HERC6: variants seen among roughly 807,000 people sequenced by gnomAD.
The protein encoded by HERC6 is HECT and RLD domain containing E3 ubiquitin protein ligase family member 6.
A neutral mutation model predicts 114.5 loss-of-function variants in HERC6; 101 were observed. That is an observed-to-expected ratio of 0.88 (90% CI 0.75 to 1.04). HERC6 has a LOEUF of 1.04. HERC6 is among the 50% of genes least tolerant of loss of function. The pLI, the probability that HERC6 is intolerant of heterozygous loss-of-function variation, is 0.00. For synonymous variants in HERC6, 408 were observed against 436.2 expected (o/e 0.94, Z 0.81); for missense variants, 1,133 against 1,230.9 (o/e 0.92, Z 1.19).
intron 3 of HERC6, among the ~76,000 whole-genome samples, chr4:88,386,232 G>A (rs1358839017): frequency 1.4e-5 from 2 of 143,714 alleles, no homozygotes; most frequent in African/African-American, 5.2e-5. Flanking sequence ...TTGAGATGGA[G>A]TCTTGTTCTG....
At chr4:88,382,842 T>TA (rs1472350011) in intron 1 of HERC6, among the ~76,000 whole-genome samples, 1 of 152,176 alleles carries the variant, frequency 6.6e-6, no homozygotes. Context: ...TTCTGGTTGG[T>TA]AAAGTCTCTA....
At chr4:88,408,730 C>G in intron 11 of HERC6, 113 bp downstream of exon 11, 1 of 731,780 alleles carries the variant, frequency 1.4e-6, no homozygotes, top group Non-Finnish European at 2.4e-6. Flanking sequence ...GTTCTTCCTG[C>G]CCACTGCAGA....
At chr4:88,422,951 A>G (rs1737208635) in intron 13 of HERC6, among the ~76,000 whole-genome samples, 1 of 151,112 alleles carries the variant, frequency 6.6e-6, no homozygotes, top group Non-Finnish European at 1.5e-5. Context: ...ATTGCTGGGT[A>G]TTTCCCCAGG....
chr4:88,423,243 A>C (rs1390459730), intron 13 of HERC6, among the ~76,000 whole-genome samples: 1 of 151,876 alleles, frequency 6.6e-6, no homozygotes. Context: ...AGGCATTTAG[A>C]TCATTTAGAT....
At chr4:88,413,018 C>A in intron 11 of HERC6, 59 bp from the exon 12 acceptor site, 1 of 1,266,072 alleles carries the variant, frequency 7.9e-7, no homozygotes, top group Non-Finnish European at 1.1e-6. Context: ...GCTTGCTTCT[C>A]ACAATCCTCT....
At chr4:88,409,898 G>C (rs12641463) in intron 11 of HERC6, among the ~76,000 whole-genome samples, 11,016 of 152,220 alleles carry the variant, frequency 0.072, 705 homozygotes, top group East Asian at 0.34. Context: ...TGCTCAGGAT[G>C]CTGTAGACTG....
chr4:88,437,018 C>A (rs1229743144), intron 19 of HERC6, 47 bp downstream of exon 19: 10 of 1,322,536 alleles, frequency 7.6e-6, no homozygotes, highest in South Asian at 1.4e-5. Flanking sequence ...TAATCTGTTT[C>A]TAAAAAATAA....
intron 17 of HERC6, among the ~76,000 whole-genome samples, chr4:88,434,772 A>AAG (rs1202593567): frequency 6.6e-6 from 1 of 151,820 alleles, no homozygotes; most frequent in Admixed American, 6.6e-5. Flanking sequence ...AGACAAAAAA[A>AAG]AAAAAAAACC....
At chr4:88,425,310 C>T (rs1049377726) in intron 15 of HERC6, among the ~76,000 whole-genome samples, 10 of 152,158 alleles carry the variant, frequency 6.6e-5, no homozygotes, top group African/African-American at 2.4e-4. Context: ...TGATCTTTTC[C>T]ATTTTGATGA....
At chr4:88,414,601 C>A (rs1007758919) in intron 12 of HERC6, among the ~76,000 whole-genome samples, 5 of 152,150 alleles carry the variant, frequency 3.3e-5, no homozygotes, top group African/African-American at 1.2e-4. Flanking sequence ...ATGGTTATTT[C>A]TTGATTATGT....
At position 88,418,502 on chromosome 4, in the gene HERC6, G is replaced by A. The variant is rs962778130; in HGVS notation, c.1713+923G>A. On this transcript the variant is annotated intron_variant, in intron 13 of 22. Transcript: ENST00000264346. Reference sequence around the variant, plus strand: ...TCCCATCTCTAAACTGCTTTTAAGCGAATTTTCTGGCTCAAAGAGCTACAG... The same window carrying A: ...TCCCATCTCTAAACTGCTTTTAAGCAAATTTTCTGGCTCAAAGAGCTACAG... Among the ~76,000 whole-genome samples, 13 of 152,112 alleles carry A rather than the reference G, an allele frequency of 8.5e-5. No individual in the cohort carries two copies. In the South Asian group the frequency reaches 1.5e-3, roughly 17 times the overall value.
chr4:88,440,308 C>A, intron 22 of HERC6, 58 bp downstream of exon 22: 1 of 1,026,348 alleles, frequency 9.7e-7, no homozygotes, highest in Non-Finnish European at 1.5e-6. Context: ...AAGGTACAGT[C>A]TTGTTTAGAA....
intron 8 of HERC6, among the ~76,000 whole-genome samples, chr4:88,400,873 A>T (rs908034713): frequency 1.3e-5 from 2 of 151,910 alleles, no homozygotes; most frequent in Admixed American, 1.3e-4. Flanking sequence ...GTCAATATGG[A>T]GTTTGGTATT....
chr4:88,440,440 C>A (rs942037111), intron 22 of HERC6, 190 bp downstream of exon 22: 1 of 523,706 alleles, frequency 1.9e-6, no homozygotes, highest in South Asian at 3.0e-5. Context: ...ACTTAATAGG[C>A]GAAAAGAGAA....
chr4:88,401,321 C>G (rs909668938), intron 8 of HERC6, among the ~76,000 whole-genome samples: 6 of 151,724 alleles, frequency 4.0e-5, no homozygotes, highest in African/African-American at 1.5e-4. Context: ...GGTGAAACCC[C>G]ATCTCTACTA....
intron 1 of HERC6, among the ~76,000 whole-genome samples, chr4:88,381,133 G>A (rs974104719): frequency 8.6e-5 from 13 of 151,920 alleles, no homozygotes; most frequent in East Asian, 1.9e-4. Context: ...TGATATTCTC[G>A]TAAGCAAATA....
At chr4:88,427,311 C>G (rs1737735189) in intron 15 of HERC6, among the ~76,000 whole-genome samples, 1 of 152,132 alleles carries the variant, frequency 6.6e-6, no homozygotes, top group Admixed American at 6.5e-5. Flanking sequence ...CCATCTAGCT[C>G]TTGGTTATGT....
Position 88,395,953 on chromosome 4 carries a change from C to T in HERC6, c.760-62C>T, listed in dbSNP as rs1735206883. 3 of 1,479,174 alleles carry T rather than the reference C, an allele frequency of 2.0e-6. No homozygotes were observed. The South Asian group carries it at 4.0e-5, about 20-fold the overall frequency. The allele number at this position is 1,479,174 out of a possible 1,614,324, so 91.6% of individuals were successfully genotyped here. ...TATTAACTCTTGTATGACACTTAAT[C>T]AGTAAGCTTTTAGTTACCTTGTTAA... is the stretch of plus-strand genomic sequence containing the variant. On this transcript the variant is annotated intron_variant, in intron 5 of 22. Coordinates refer to ENST00000264346, the MANE Select transcript of HERC6 (RefSeq NM_017912.4).
At chr4:88,415,425 A>C (rs909422933) in intron 12 of HERC6, among the ~76,000 whole-genome samples, 1 of 152,114 alleles carries the variant, frequency 6.6e-6, no homozygotes, top group Non-Finnish European at 1.5e-5. Flanking sequence ...TTGCCAAATG[A>C]CCCTCCACAG....
Sources: allele counts gnomAD v4.1 joint callset (sites outside exome capture counted in the v4.1 genomes callset), GRCh38; gene constraint gnomAD v4.1.1; transcripts MANE v1.5; gene names NCBI Gene and HGNC (gene_info 2026-07-23, HGNC 2026-07-21).